CP: variants seen among roughly 807,000 people sequenced by gnomAD.
CP encodes the protein caeruloplasmin.
A neutral mutation model predicts 122.4 loss-of-function variants in CP; 64 were observed. That is an observed-to-expected ratio of 0.52 (90% CI 0.43 to 0.64). The LOEUF (loss-of-function observed/expected upper bound fraction) is 0.64, where lower values mean the gene tolerates loss of function less well. CP is among the 30% of genes least tolerant of loss of function. The pLI is 0.00. For synonymous variants in CP, 440 were observed against 436.4 expected, an observed-to-expected ratio of 1.01 and a Z score of -0.10; for missense variants, 1,167 against 1,284.4, an observed-to-expected ratio of 0.91 and a Z score of 1.40.
chr3:149,190,558 T>C (rs1726474050), intron 9 of CP, among the ~76,000 whole-genome samples: 1 of 150,486 alleles, frequency 6.6e-6, no homozygotes, highest in Admixed American at 6.7e-5. Context: ...CTCAGGAGGC[T>C]GAGGCACAAG....
intron 7 of CP, among the ~76,000 whole-genome samples, chr3:149,200,792 G>A (rs766600165): frequency 3.9e-5 from 6 of 152,078 alleles, no homozygotes; most frequent in Non-Finnish European, 2.9e-5. Context: ...ATACAGGCAT[G>A]AGCCACCGCG....
chr3:149,185,103 T>C (rs890250108), intron 12 of CP, 136 bp downstream of exon 12: 2 of 573,734 alleles, frequency 3.5e-6, no homozygotes, highest in East Asian at 5.4e-5. Flanking sequence ...GGAAGTGTTT[T>C]GTTGTTGTTG....
intron 2 of CP, among the ~76,000 whole-genome samples, chr3:149,210,749 A>G (rs1206940531): frequency 6.6e-6 from 1 of 152,152 alleles, no homozygotes; most frequent in Non-Finnish European, 1.5e-5. Context: ...AAAATTAAAA[A>G]CATTTCTACT....
At chr3:149,195,239 C>G (rs73019046) in intron 9 of CP, among the ~76,000 whole-genome samples, 3 of 152,162 alleles carry the variant, frequency 2.0e-5, no homozygotes, top group Non-Finnish European at 4.4e-5. Flanking sequence ...GAAATACAAA[C>G]TGGCACAACT....
chr3:149,213,631 GGTGTGTGTGTGTGTGT>G lies in CP; in HGVS notation c.147-949_147-934del, dbSNP rs71135672. 7.0e-4 allele frequency among the ~76,000 whole-genome samples: 101 copies of G among 143,840 alleles called. 2 individuals are homozygous for G. Among genetic ancestry groups the G allele is most frequent in the African/African-American group, 2.4e-3 (93 of 38,520 alleles). 94.4% of individuals were successfully genotyped at this position (143,840 alleles called of 152,430 possible). A position where few individuals can be genotyped will look rare whatever the true frequency, so the allele number is the denominator to read the frequency against. On this transcript the variant is annotated intron_variant, in intron 1 of 18. Transcript: ENST00000264613. ...TGAATAAAAACTGCTCATCATCATG[GGTGTGTGTGTGTGTGT>G]GTGTGTGTGTGTGTGTGTGTGTGTG... is the stretch of plus-strand genomic sequence containing the variant.
At chr3:149,170,510 C>T (rs1397922100), downstream of CP, 1 of 152,100 alleles carries the variant, frequency 6.6e-6, no homozygotes, top group African/African-American at 2.4e-5. Flanking sequence ...GCAGACAGTA[C>T]CACTACATTA....
chr3:149,195,738 CG>C (rs1162467169), intron 9 of CP, among the ~76,000 whole-genome samples: 1 of 151,822 alleles, frequency 6.6e-6, no homozygotes, highest in Admixed American at 6.6e-5. Context: ...TGGTGGCGGG[CG>C]CCTGTAGTCC....
chr3:149,221,661 A>G lies in CP; in HGVS notation c.132T>C (p.Leu44=), dbSNP rs1177312084. Residue 44 remains leucine, a synonymous_variant, in exon 1 of 19, where the codon CTT becomes CTC. Transcript: ENST00000264613. The part of the protein sequence containing the change: ...DYASDHGEKK[L]ISVDTEHSNI... ...TAGTGACTTACGTGTCAACAGAAATAAGTTTCTTTTCCCCATGGTCAGAGG... is the reference window on the plus strand; with the variant it reads ...TAGTGACTTACGTGTCAACAGAAATGAGTTTCTTTTCCCCATGGTCAGAGG... 6.2e-7 allele frequency: 1 copy of G among 1,612,012 alleles called. No individual in the cohort carries two copies. Among genetic ancestry groups the G allele is most frequent in the African/African-American group, 1.3e-5 (1 of 74,858 alleles).
At chr3:149,212,122 T>C (rs1182625177) in intron 2 of CP, among the ~76,000 whole-genome samples, 1 of 151,040 alleles carries the variant, frequency 6.6e-6, no homozygotes, top group Non-Finnish European at 1.5e-5. Flanking sequence ...TGAAACCCCG[T>C]CTCTACTAAA....
In CP at chr3:149,185,387, A is replaced by G. The variant is rs764543027; in HGVS notation, c.2137T>C (p.Tyr713His). 17 of 1,613,936 alleles carry G rather than the reference A, an allele frequency of 1.1e-5. No individual in the cohort carries two copies. Among genetic ancestry groups the G allele is most frequent in the Admixed American group, 1.7e-5 (1 of 59,992 alleles). Residue 713 changes from tyrosine (Y) to histidine (H), a missense_variant, in exon 12 of 19, where the codon TAT (tyrosine) becomes CAT (histidine). Transcript: ENST00000264613. ...DHYTGGMKQK[Y>H]TVNQCRRQSE... ...TGCCGCCTGCATTGGTTCACAGTATATTTTTGCTTCATGCCGCCTGTGTAA... is the reference window on the plus strand; with the variant it reads ...TGCCGCCTGCATTGGTTCACAGTATGTTTTTGCTTCATGCCGCCTGTGTAA...
chr3:149,221,529 A>G, intron 1 of CP, 118 bp downstream of exon 1: 4 of 891,126 alleles, frequency 4.5e-6, no homozygotes, highest in Admixed American at 2.9e-5. Flanking sequence ...TTGGGTTTCA[A>G]GCCCACATTT....
chr3:149,217,973 G>T, intron 1 of CP: 1 of 334,902 alleles, frequency 3.0e-6, no homozygotes. Context: ...TGTACCATTT[G>T]TTTTGGAAAC....
In CP at chr3:149,206,225, T is replaced by C. The variant is rs747937701; in HGVS notation, c.1151A>G (p.Asn384Ser). The C allele has an allele frequency of 3.1e-6, 5 of 1,614,048 alleles. No individual in the cohort carries two copies. In the East Asian group the frequency reaches 8.9e-5, roughly 29 times the overall value. The change falls in exon 6 of 19, where the codon AAC (asparagine) becomes AGC (serine). Residue 384 changes from asparagine (N) to serine (S), a missense_variant. Physicochemically the swap from Asn to Ser is conservative, Grantham distance 46 (BLOSUM62 1). Coordinates refer to ENST00000264613, the MANE Select transcript of CP (RefSeq NM_000096.4). ...YYIAAEEIIW[N>S]YAPSGIDIFT... ...GATGTCTATACCAGAGGGAGCATAG[T>C]TCCAGATGATTTCCTCAGCGGCAAT...
At chr3:149,194,764 T>A (rs986501410) in intron 9 of CP, among the ~76,000 whole-genome samples, 8 of 152,186 alleles carry the variant, frequency 5.3e-5, no homozygotes, top group African/African-American at 1.9e-4. Flanking sequence ...AACTTATACA[T>A]TTGAAACAAT....
intron 2 of CP, among the ~76,000 whole-genome samples, chr3:149,212,125 C>G (rs1728144931): frequency 6.6e-6 from 1 of 151,516 alleles, no homozygotes; most frequent in East Asian, 1.9e-4. Context: ...AACCCCGTCT[C>G]TACTAAAAAT....
At chr3:149,169,036 TAC>T (rs1724712712), downstream of CP, among the ~76,000 whole-genome samples, 2 of 149,992 alleles carry the variant, frequency 1.3e-5, no homozygotes, top group African/African-American at 5.0e-5. Context: ...TTTGTGTGCA[TAC>T]GTGTGTGTGT....
chr3:149,166,064 G>T (rs532728851), intron 4 of CP: 1 of 455,048 alleles, frequency 2.2e-6, no homozygotes, highest in Non-Finnish European at 4.4e-6. Context: ...TAGCAAAAAG[G>T]GTACAGGGAC....
intron 9 of CP, among the ~76,000 whole-genome samples, chr3:149,195,865 C>CAAAA (rs1207450901): frequency 3.7e-5 from 2 of 54,622 alleles, no homozygotes; most frequent in East Asian, 1.1e-3. Flanking sequence ...GACACCGTCT[C>CAAAA]AAAAAAAAAA....
chr3:149,212,265 C>T (rs528943714), intron 2 of CP, among the ~76,000 whole-genome samples, 186 bp downstream of exon 2: 2 of 151,432 alleles, frequency 1.3e-5, no homozygotes, highest in South Asian at 4.2e-4. Flanking sequence ...GATCCGAGGT[C>T]GTGCCACTGC....
Sources: allele counts gnomAD v4.1 joint callset (sites outside exome capture counted in the v4.1 genomes callset), GRCh38; gene constraint gnomAD v4.1.1; transcripts MANE v1.5; gene names NCBI Gene and HGNC (gene_info 2026-07-23, HGNC 2026-07-21).